CDH18: variants seen among roughly 807,000 people sequenced by gnomAD.
CDH18 encodes cadherin 18.
In CDH18, 31 loss-of-function variants were observed where a neutral mutation model predicts 67.9. The ratio of observed to expected loss-of-function variants is 0.46; its 90% CI spans 0.34 to 0.62. The LOEUF (loss-of-function observed/expected upper bound fraction) is 0.62. Ranked by LOEUF, CDH18 falls within the 20% of genes least tolerant of loss-of-function variation. The pLI, the probability that CDH18 is intolerant of heterozygous loss-of-function variation, is 0.01. For synonymous variants in CDH18, 362 were observed against 347.2 expected (o/e 1.04, Z -0.48); for missense variants, 890 against 975.5 (o/e 0.91, Z 1.17).
intron 8 of CDH18, among the ~76,000 whole-genome samples, chr5:19,567,847 A>G (rs1740696091): frequency 1.3e-5 from 2 of 152,114 alleles, no homozygotes; most frequent in African/African-American, 4.8e-5. Flanking sequence ...CAACCAGGAG[A>G]GTGCATGTTT....
At chr5:19,589,982 A>G (rs951051860) in intron 7 of CDH18, among the ~76,000 whole-genome samples, 2 of 152,092 alleles carry the variant, frequency 1.3e-5, no homozygotes, top group African/African-American at 4.8e-5. Context: ...ACTCTTCTTC[A>G]TAGTAAACAT....
At chr5:20,050,942 T>C (rs1460699020) in intron 2 of CDH18, among the ~76,000 whole-genome samples, 3 of 151,828 alleles carry the variant, frequency 2.0e-5, no homozygotes, top group African/African-American at 7.2e-5. Flanking sequence ...GATCACTCTC[T>C]TGCAATTTAC....
intron 5 of CDH18, among the ~76,000 whole-genome samples, chr5:19,709,164 A>T (rs1342239187): frequency 6.6e-6 from 1 of 151,684 alleles, no homozygotes; most frequent in East Asian, 1.9e-4. Flanking sequence ...CTCACCTGGC[A>T]CTTACCACTC....
intron 4 of CDH18, among the ~76,000 whole-genome samples, chr5:19,726,106 C>T (rs1766809595): frequency 6.6e-6 from 1 of 152,100 alleles, no homozygotes; most frequent in Non-Finnish European, 1.5e-5. Context: ...CTCTGTTTAG[C>T]TTGGGGTGTC....
chr5:19,557,889 T>C (rs1392448890), intron 8 of CDH18, among the ~76,000 whole-genome samples: 5 of 152,048 alleles, frequency 3.3e-5, no homozygotes, highest in African/African-American at 9.7e-5. Flanking sequence ...GACAATATGA[T>C]AGGCCACAGT....
chr5:19,891,048 C>A (rs1788734350), intron 2 of CDH18, among the ~76,000 whole-genome samples: 1 of 152,146 alleles, frequency 6.6e-6, no homozygotes, highest in Non-Finnish European at 1.5e-5. Flanking sequence ...ATCCAAAATT[C>A]ATTATGTAAT....
At chr5:19,793,008 T>G (rs1027276747) in intron 3 of CDH18, among the ~76,000 whole-genome samples, 5 of 152,110 alleles carry the variant, frequency 3.3e-5, no homozygotes, top group African/African-American at 9.7e-5. Flanking sequence ...GACAGTGAAA[T>G]AATTTGATGA....
At chr5:19,933,101 C>T (rs373554882) in intron 2 of CDH18, among the ~76,000 whole-genome samples, 2 of 151,450 alleles carry the variant, frequency 1.3e-5, no homozygotes, top group East Asian at 3.9e-4. Flanking sequence ...GTACTTTTGT[C>T]CTTTGAACTA....
At chr5:19,672,489 A>C (rs113717055) in intron 5 of CDH18, among the ~76,000 whole-genome samples, 33 of 152,230 alleles carry the variant, frequency 2.2e-4, no homozygotes, top group African/African-American at 7.7e-4. Flanking sequence ...AATAAATTAT[A>C]ACTCATTTTC....
chr5:19,863,031 G>C (rs568664886), intron 2 of CDH18, among the ~76,000 whole-genome samples: 88 of 148,294 alleles, frequency 5.9e-4, no homozygotes, highest in African/African-American at 2.0e-3. Flanking sequence ...GGGAAAAAAT[G>C]GGAGAACAGG....
At chr5:20,554,497 G>A (rs1051600493) in intron 1 of CDH18, among the ~76,000 whole-genome samples, 28 of 152,000 alleles carry the variant, frequency 1.8e-4, no homozygotes, top group Admixed American at 1.7e-3. Context: ...TCACAACTTT[G>A]TAATGCTTCT....
rs375014397 is a variant in CDH18 at position 20,475,900 on chromosome 5, T to C, written c.-580+99562A>G. Among the ~76,000 whole-genome samples, 6 of 152,274 alleles carry C rather than the reference T, an allele frequency of 3.9e-5. No homozygotes were observed. The East Asian group carries it at 7.7e-4, about 20-fold the overall frequency. ...AAGGTTTGGATTGCTGAAGACCAGGTATACCACTTGGAAGACATTTAGATG... is the reference window on the plus strand; with the variant it reads ...AAGGTTTGGATTGCTGAAGACCAGGCATACCACTTGGAAGACATTTAGATG... On this transcript the variant is annotated intron_variant, in intron 1 of 14. Coordinates refer to the CDH18 transcript ENST00000507958.
chr5:20,470,416 TTAAGG>T (rs1377553533), intron 1 of CDH18, among the ~76,000 whole-genome samples: 3 of 152,206 alleles, frequency 2.0e-5, no homozygotes, highest in African/African-American at 7.2e-5. Context: ...TCTTTAATCT[TTAAGG>T]TAATTCGTGT....
chr5:20,125,631 T>C (rs1471720956), intron 2 of CDH18, among the ~76,000 whole-genome samples: 2 of 152,166 alleles, frequency 1.3e-5, no homozygotes, highest in African/African-American at 2.4e-5. Context: ...AACATTTCCA[T>C]TGAAAATGTC....
intron 1 of CDH18, among the ~76,000 whole-genome samples, chr5:20,328,406 G>A (rs1468608678): frequency 6.6e-6 from 1 of 151,906 alleles, no homozygotes; most frequent in Non-Finnish European, 1.5e-5. Context: ...GTAAAAGAGA[G>A]GAGTCTGGAG....
In CDH18 at chr5:19,933,755, T is replaced by A. The variant is rs547077521; in HGVS notation, c.-257+47305A>T. Among the ~76,000 whole-genome samples the A allele has an allele frequency of 2.0e-4, 31 of 151,596 alleles. 1 individual carries two copies. The East Asian group carries it at 4.5e-3, about 22-fold the overall frequency. On this transcript the variant is annotated intron_variant, in intron 2 of 12. Transcript: ENST00000382275. ...AAATATTCTGAATTTTCTTCTTACTTTCTGGCACATTTTAGCGTCCATTTC... is the reference window on the plus strand; with the variant it reads ...AAATATTCTGAATTTTCTTCTTACTATCTGGCACATTTTAGCGTCCATTTC...
intron 2 of CDH18, among the ~76,000 whole-genome samples, chr5:20,007,859 A>G (rs1737050554): frequency 6.6e-6 from 1 of 152,098 alleles, no homozygotes; most frequent in Admixed American, 6.6e-5. Context: ...GTGTCCATAA[A>G]TAAAGATTTA....
chr5:20,566,348 T>TTTTTTC (rs1758502708), intron 1 of CDH18, among the ~76,000 whole-genome samples: 1 of 147,002 alleles, frequency 6.8e-6, no homozygotes, highest in Non-Finnish European at 1.5e-5. Flanking sequence ...TCTCTTGATT[T>TTTTTTC]TTTTTCTTTT....
intron 5 of CDH18, among the ~76,000 whole-genome samples, chr5:19,677,280 C>T (rs1331733903): frequency 6.6e-6 from 1 of 151,922 alleles, no homozygotes; most frequent in Admixed American, 6.6e-5. Context: ...AGAAATTCCA[C>T]CCAAGAATTT....
Sources: gnomAD v4.1 joint callset for allele counts (sites outside exome capture counted in the v4.1 genomes callset) on GRCh38, gnomAD v4.1.1 for gene constraint, MANE v1.5 for transcripts, NCBI Gene and HGNC (gene_info 2026-07-23, HGNC 2026-07-21) for gene names.